The following SLC4A4 variants were observed in gnomAD, a reference collection of about 807,000 sequenced individuals.
SLC4A4 encodes solute carrier family 4 member 4.
In SLC4A4, 27 loss-of-function variants were observed where a neutral mutation model predicts 111.5. The ratio of observed to expected loss-of-function variants is 0.24; its 90% confidence interval spans 0.18 to 0.33. SLC4A4 has a LOEUF of 0.33. Ranked by LOEUF, SLC4A4 falls within the 10% of genes least tolerant of loss-of-function variation. The probability of loss-of-function intolerance (pLI) is 1.00; values close to 1 mark genes in which losing one functional copy is unlikely to be tolerated. For synonymous variants in SLC4A4, 443 were observed against 463.4 expected (o/e 0.96, Z 0.57); for missense variants, 909 against 1,315.5 (o/e 0.69, Z 4.78).
intron 3 of SLC4A4, among the ~76,000 whole-genome samples, chr4:71,338,066 C>T (rs902147690): frequency 2.0e-5 from 3 of 152,062 alleles, no homozygotes; most frequent in Non-Finnish European, 2.9e-5. Context: ...CTCCTGACCT[C>T]AGGTGATCCA....
intron 17 of SLC4A4, among the ~76,000 whole-genome samples, chr4:71,533,364 G>T (rs184998697): frequency 6.6e-5 from 10 of 152,258 alleles, no homozygotes; most frequent in African/African-American, 2.2e-4. Context: ...AATGAGGTTA[G>T]ATTCAGTGAC....
At chr4:71,301,567 G>T (rs1725262013) in intron 3 of SLC4A4, among the ~76,000 whole-genome samples, 2 of 152,342 alleles carry the variant, frequency 1.3e-5, no homozygotes, top group Non-Finnish European at 2.9e-5. Flanking sequence ...CTACCTGCAG[G>T]CCCCAGCTCC....
intron 19 of SLC4A4, 120 bp downstream of exon 19, chr4:71,546,648 A>G (rs2149234842): frequency 7.7e-6 from 7 of 906,342 alleles, no homozygotes; most frequent in South Asian, 1.4e-5. Flanking sequence ...ATTTATTCCT[A>G]TATTTTTTGT....
chr4:71,207,865 T>G (rs946595088), intron 1 of SLC4A4, among the ~76,000 whole-genome samples: 1 of 152,194 alleles, frequency 6.6e-6, no homozygotes, highest in Non-Finnish European at 1.5e-5. Flanking sequence ...CAGGTTGGAG[T>G]GCAGTAGTGC....
chr4:71,449,115 A>G (rs1374812752), intron 9 of SLC4A4, among the ~76,000 whole-genome samples: 1 of 152,238 alleles, frequency 6.6e-6, no homozygotes, highest in African/African-American at 2.4e-5. Flanking sequence ...TTATTTTAAC[A>G]TAACGGCTTA....
chr4:71,398,283 T>C (rs1720015125), intron 7 of SLC4A4, among the ~76,000 whole-genome samples: 3 of 110,794 alleles, frequency 2.7e-5, no homozygotes, highest in East Asian at 2.3e-4. Flanking sequence ...AGACTTTGTC[T>C]CAAAAAAAAA....
intron 7 of SLC4A4, among the ~76,000 whole-genome samples, chr4:71,412,405 A>C (rs1357138741): frequency 6.6e-6 from 1 of 152,210 alleles, no homozygotes; most frequent in Non-Finnish European, 1.5e-5. Context: ...AGGCTCATGA[A>C]AGTTGCCTTC....
At chr4:71,175,345 G>A (rs1305077192) in intron 2 of SLC4A4, among the ~76,000 whole-genome samples, 3 of 152,198 alleles carry the variant, frequency 2.0e-5, no homozygotes, top group African/African-American at 7.2e-5. Flanking sequence ...GACAGTGGGT[G>A]CAGCGCACCA....
chr4:71,301,183 C>T, intron 3 of SLC4A4: 1 of 276,190 alleles, frequency 3.6e-6, no homozygotes, highest in South Asian at 3.6e-5. Context: ...AGGTCCATTA[C>T]ACTCATACCC....
At chr4:71,408,050 T>C (rs766842756) in intron 7 of SLC4A4, among the ~76,000 whole-genome samples, 4 of 152,196 alleles carry the variant, frequency 2.6e-5, no homozygotes, top group Non-Finnish European at 5.9e-5. Flanking sequence ...GAAAAAGTGA[T>C]TATTATTGAA....
intron 6 of SLC4A4, among the ~76,000 whole-genome samples, chr4:71,377,403 CTG>C (rs1732509549): frequency 1.3e-5 from 2 of 152,156 alleles, no homozygotes; most frequent in South Asian, 4.1e-4. Context: ...GTGTTTGTGA[CTG>C]TGATTCCTCT....
intron 7 of SLC4A4, among the ~76,000 whole-genome samples, chr4:71,400,824 AT>A (rs986797033): frequency 7.9e-5 from 12 of 150,966 alleles, no homozygotes; most frequent in South Asian, 2.1e-4. Context: ...TCTGGCTTTT[AT>A]TTTTTTTTAA....
chr4:71,437,155 A>G, intron 7 of SLC4A4: 1 of 456,078 alleles, frequency 2.2e-6, no homozygotes, highest in South Asian at 1.7e-5. Flanking sequence ...CGTCAGAGGG[A>G]TGCCAGCAAT....
At chr4:71,561,234 G>T (rs1340097018) in intron 23 of SLC4A4, among the ~76,000 whole-genome samples, 1 of 151,732 alleles carries the variant, frequency 6.6e-6, no homozygotes, top group Non-Finnish European at 1.5e-5. Context: ...TCAATAGCTT[G>T]TTATCACATT....
At chr4:71,256,643 G>A (rs1701584996) in intron 3 of SLC4A4, among the ~76,000 whole-genome samples, 1 of 152,174 alleles carries the variant, frequency 6.6e-6, no homozygotes, top group Admixed American at 6.5e-5. Flanking sequence ...CTGGGGGAAG[G>A]TCTGTCTGAA....
chr4:71,114,195 G>A (rs139843743), intron 2 of SLC4A4, among the ~76,000 whole-genome samples: 20 of 152,276 alleles, frequency 1.3e-4, no homozygotes, highest in African/African-American at 4.1e-4. Flanking sequence ...GCAGTGAGTC[G>A]AGATGGCGCC....
intron 1 of SLC4A4, among the ~76,000 whole-genome samples, chr4:71,209,314 A>G (rs1717986551): frequency 6.6e-6 from 1 of 152,224 alleles, no homozygotes. Flanking sequence ...AAGAAGCAGC[A>G]GGGCACATTC....
At chr4:71,292,024 T>C (rs1014167752) in intron 3 of SLC4A4, among the ~76,000 whole-genome samples, 4 of 151,778 alleles carry the variant, frequency 2.6e-5, no homozygotes, top group African/African-American at 9.7e-5. Flanking sequence ...CCAGTCATAC[T>C]CTTTTAGTTA....
intron 3 of SLC4A4, among the ~76,000 whole-genome samples, chr4:71,286,798 G>A (rs932243276): frequency 5.3e-5 from 8 of 152,146 alleles, no homozygotes; most frequent in African/African-American, 9.7e-5. Flanking sequence ...TTACTACTTC[G>A]AAATTAGGCA....
Sources: allele counts gnomAD v4.1 joint callset (sites outside exome capture counted in the v4.1 genomes callset), GRCh38; gene constraint gnomAD v4.1.1; transcripts MANE v1.5; gene names NCBI Gene and HGNC (gene_info 2026-07-23, HGNC 2026-07-21).